The following MAFK variants were observed in gnomAD, a reference collection of about 807,000 sequenced individuals.
MAFK encodes MAF bZIP transcription factor K.
In MAFK, 1 loss-of-function variant was observed where a neutral mutation model predicts 9.2. That is an observed-to-expected ratio of 0.11 (90% CI 0.04 to 0.52). The LOEUF (loss-of-function observed/expected upper bound fraction) is 0.52. Ranked by LOEUF, MAFK falls within the 20% of genes least tolerant of loss-of-function variation. MAFK has a pLI of 0.94. For synonymous variants in MAFK, 110 were observed against 107.4 expected (o/e 1.02, Z -0.15); for missense variants, 207 against 236.0 (o/e 0.88, Z 0.81).
At chr7:1,538,086 G>C (rs775645323) in intron 1 of MAFK, 12 of 183,442 alleles carry the variant, frequency 6.5e-5, no homozygotes, top group Non-Finnish European at 1.0e-4. Context: ...TGTGCAACCT[G>C]ACCTGAAGTC....
intron 1 of MAFK, among the ~76,000 whole-genome samples, chr7:1,536,089 T>C (rs1784020640): frequency 6.6e-6 from 1 of 152,116 alleles, no homozygotes. Context: ...TGTTCCAAGT[T>C]ATAGGTGGTG....
rs966928106 is a variant in MAFK at position 1,534,743 on chromosome 7, T to C, written c.-45+3845T>C. 9.3e-6 allele frequency: 4 copies of C among 428,774 alleles called. No individual in the cohort carries two copies. The highest frequency in any genetic ancestry group is 8.1e-5 in the African/African-American group (4 of 49,494). 26.6% of individuals were successfully genotyped at this position (428,774 alleles called of 1,614,324 possible). A position where few individuals can be genotyped will look rare whatever the true frequency, so the allele number is the denominator to read the frequency against. ...ACAAGTGACCCATCCAGAGCCCCCA[T>C]GCTGGCCTCGTAGAGCGAGCGGCAG... On this transcript the variant is annotated intron_variant, in intron 1 of 2. Transcript: ENST00000343242. This position sits in a 1 kb window ranked among gnomAD's most constrained non-coding sequence, Gnocchi z 4.3.
chr7:1,531,083 G>A (rs982326716), intron 1 of MAFK, among the ~76,000 whole-genome samples, 185 bp downstream of exon 1: 1 of 147,948 alleles, frequency 6.8e-6, no homozygotes, highest in African/African-American at 2.4e-5. Flanking sequence ...CTGCCCAGGT[G>A]GGCCCCGCCC....
Position 1,540,398 on chromosome 7 carries a change from G to C in MAFK, c.*23G>C, listed in dbSNP as rs1460509492. 2 of 1,272,572 alleles carry C rather than the reference G, an allele frequency of 1.6e-6. No homozygotes were observed. Among genetic ancestry groups the C allele is most frequent in the African/African-American group, 3.4e-5 (2 of 59,536 alleles). The allele number at this position is 1,272,572 out of a possible 1,614,324, so 78.8% of individuals were successfully genotyped here. On this transcript the variant is annotated 3_prime_UTR_variant, in exon 3 of 3. Transcript: ENST00000343242. ...TAGTGCCGGCCGGGGGCGGGGGGTG[G>C]CGGGCGGCGGGCGGCGGGCAGGCGG...
intron 1 of MAFK, among the ~76,000 whole-genome samples, chr7:1,536,620 A>G (rs776655142): frequency 2.6e-4 from 39 of 152,232 alleles, no homozygotes; most frequent in African/African-American, 8.7e-4. Flanking sequence ...TTGCTTTACA[A>G]ACTTTTTTTG....
At chr7:1,531,501 C>T (rs1783904360) in intron 1 of MAFK, among the ~76,000 whole-genome samples, 1 of 152,178 alleles carries the variant, frequency 6.6e-6, no homozygotes, top group African/African-American at 2.4e-5. Context: ...CTCTCAGCCG[C>T]CCACCTGCCA....
chr7:1,538,591 C>A, intron 1 of MAFK: 1 of 295,478 alleles, frequency 3.4e-6, no homozygotes, highest in Non-Finnish European at 5.0e-6. Flanking sequence ...GGGTCCGGAG[C>A]ACCGGAGCCT....
intron 1 of MAFK, chr7:1,537,763 G>A (rs766089664): frequency 9.6e-6 from 9 of 934,674 alleles, no homozygotes; most frequent in Non-Finnish European, 1.1e-5. Context: ...CGGAGGCAGG[G>A]CTGGAGGGTG....
intron 1 of MAFK, among the ~76,000 whole-genome samples, chr7:1,536,727 A>T (rs1359011794): frequency 6.6e-6 from 1 of 152,178 alleles, no homozygotes; most frequent in African/African-American, 2.4e-5. Flanking sequence ...GGCTACTTGG[A>T]TTTATTCTGT....
chr7:1,540,046 G>A lies in MAFK; in HGVS notation c.142G>A (p.Glu48Lys). 6.4e-7 allele frequency: 1 copy of A among 1,559,104 alleles called. No individual in the cohort carries two copies. The highest frequency in any genetic ancestry group is 8.7e-7 in the Non-Finnish European group (1 of 1,151,552). ...GCACCTGCGGGGTCTCACCAAGGAG[G>A]AGGTGACCCGCCTGAAGCAGCGTCG... ...NQHLRGLTKE[E>K]VTRLKQRRRT... Residue 48 changes from glutamate to lysine, a missense_variant, in exon 3 of 3, where the codon GAG becomes AAG. By Grantham distance (56) the Glu-to-Lys change is moderately conservative. Coordinates refer to ENST00000343242, the MANE Select transcript of MAFK (RefSeq NM_002360.4).
At position 1,540,810 on chromosome 7, in the gene MAFK, T is replaced by G; in HGVS notation, c.*435T>G. On this transcript the variant is annotated 3_prime_UTR_variant, in exon 3 of 3. Transcript: ENST00000343242. ...TGTAAGCAGCCTTCGACACCTGTCC[T>G]GCCACGGCCTCCCAGCCGGTGCGGG... The G allele has an allele frequency of 5.9e-6, 1 of 170,008 alleles. No individual in the cohort carries two copies. The highest frequency in any genetic ancestry group is 1.2e-5 in the Non-Finnish European group (1 of 80,116). 10.5% of individuals were successfully genotyped at this position (170,008 alleles called of 1,614,324 possible). A position where few individuals can be genotyped will look rare whatever the true frequency, so the allele number is the denominator to read the frequency against.
rs1232530549 is a variant in MAFK, at chr7:1,532,460, A to T, written c.-45+1562A>T. Among the ~76,000 whole-genome samples, 1 of 152,172 alleles carries T rather than the reference A, an allele frequency of 6.6e-6. No homozygotes were observed. The highest frequency in any genetic ancestry group is 1.5e-5 in the Non-Finnish European group (1 of 68,038). ...AAAACTAGACCTCTCATTATTCCAA[A>T]ATAAGACATTTATTAAAGCAGAAAA... is the stretch of plus-strand genomic sequence containing the variant. On this transcript the variant is annotated intron_variant, in intron 1 of 2. Transcript: ENST00000343242. The surrounding 1 kb of genome is among the most constrained non-coding windows in gnomAD (Gnocchi z 4.5).
rs1241657450 is a variant in MAFK, at chr7:1,534,472, A to C, written c.-45+3574A>C. ...GTGGATTGCACCTGCCGTGGGAGTCACTGGTCGGGGGGCGGGAGGGCGCTT... is the reference window on the plus strand; with the variant it reads ...GTGGATTGCACCTGCCGTGGGAGTCCCTGGTCGGGGGGCGGGAGGGCGCTT... On this transcript the variant is annotated intron_variant, in intron 1 of 2. Coordinates refer to ENST00000343242, the MANE Select transcript of MAFK (RefSeq NM_002360.4). This position sits in a 1 kb window ranked among gnomAD's most constrained non-coding sequence, Gnocchi z 4.3. 1 of 437,226 alleles carries C rather than the reference A, an allele frequency of 2.3e-6. No individual in the cohort carries two copies. The highest frequency in any genetic ancestry group is 2.0e-5 in the African/African-American group (1 of 49,784). The allele number at this position is 437,226 out of a possible 1,614,324, so 27.1% of individuals were successfully genotyped here.
At chr7:1,535,881 G>A (rs1422567323) in intron 1 of MAFK, among the ~76,000 whole-genome samples, 1 of 152,202 alleles carries the variant, frequency 6.6e-6, no homozygotes, top group Non-Finnish European at 1.5e-5. Context: ...GGAAAGGGGC[G>A]CCCGGCGTCC....
chr7:1,540,053 C>G lies in MAFK; in HGVS notation c.149C>G (p.Thr50Ser). The G allele has an allele frequency of 6.4e-7, 1 of 1,559,066 alleles. No individual in the cohort carries two copies. Residue 50 changes from threonine to serine, a missense_variant, in exon 3 of 3, where the codon ACC becomes AGC. Transcript: ENST00000343242. ...CGGGGTCTCACCAAGGAGGAGGTGA[C>G]CCGCCTGAAGCAGCGTCGGCGCACA... ...HLRGLTKEEV[T>S]RLKQRRRTLK...
Position 1,530,759 on chromosome 7 carries a change from C to T in MAFK, c.-184C>T, listed in dbSNP as rs1248311988. ...GGTGGCGGCGGGCGGCGCGGGGGCA[C>T]TTGTTGTTCTTCGCGAAGTCGGAGC... On this transcript the variant is annotated 5_prime_UTR_variant, in exon 1 of 3. Transcript: ENST00000343242. The T allele has an allele frequency of 6.7e-6, 1 of 148,778 alleles. No homozygotes were observed. Among genetic ancestry groups the T allele is most frequent in the Non-Finnish European group, 1.5e-5 (1 of 66,422 alleles). The allele number at this position is 148,778 out of a possible 1,614,324, so 9.2% of individuals were successfully genotyped here.
Position 1,539,185 on chromosome 7 carries a change from C to G in MAFK, c.-8C>G, listed in dbSNP as rs765608429. On this transcript the variant is annotated 5_prime_UTR_variant, in exon 2 of 3. Transcript: ENST00000343242. ...AGGGAGCTCTGTCCTGGTGACCGTG[C>G]CCGGGTTATGACGACTAATCCCAAA... 6.2e-6 allele frequency: 10 copies of G among 1,612,734 alleles called. No homozygotes were observed. Among genetic ancestry groups the G allele is most frequent in the Middle Eastern group, 1.7e-4 (1 of 6,060 alleles).
rs1006198949 is a variant in MAFK at position 1,534,615 on chromosome 7, C to A, written c.-45+3717C>A. Reference sequence around the variant, plus strand: ...CGCATCCCACATCCTCGGAGACCCGCGGAGAATAGAAGTGGAAGGGCCACT... The same window carrying A: ...CGCATCCCACATCCTCGGAGACCCGAGGAGAATAGAAGTGGAAGGGCCACT... On this transcript the variant is annotated intron_variant, in intron 1 of 2. Coordinates refer to ENST00000343242, the MANE Select transcript of MAFK (RefSeq NM_002360.4). This position sits in a 1 kb window ranked among gnomAD's most constrained non-coding sequence, Gnocchi z 4.3. The A allele has an allele frequency of 4.4e-6, 2 of 455,994 alleles. No individual in the cohort carries two copies. Among genetic ancestry groups the A allele is most frequent in the African/African-American group, 4.0e-5 (2 of 50,018 alleles). 28.2% of individuals were successfully genotyped at this position (455,994 alleles called of 1,614,324 possible).
chr7:1,537,526 G>C (rs1204300296), intron 1 of MAFK: 1 of 985,374 alleles, frequency 1.0e-6, no homozygotes, highest in African/African-American at 1.7e-5. Context: ...CTGGGCCCCA[G>C]CCTCTCCACT....
Sources: allele counts gnomAD v4.1 joint callset (sites outside exome capture counted in the v4.1 genomes callset), GRCh38; gene constraint gnomAD v4.1.1; non-coding constraint Gnocchi (gnomAD v3.1); transcripts MANE v1.5; gene names NCBI Gene and HGNC (gene_info 2026-07-23, HGNC 2026-07-21).